The following CDK14 variants were observed in gnomAD, a reference collection of about 807,000 sequenced individuals.
CDK14 encodes cyclin-dependent kinase 14.
CDK14 carries 34 observed loss-of-function variants against 60.7 expected under a neutral mutation model. The observed-to-expected ratio is 0.56, with a 90% CI of 0.43 to 0.75. The LOEUF is 0.75. Among genes scored for constraint, CDK14 ranks in the 30% least tolerant of loss-of-function variants. CDK14 has a pLI of 0.00. For synonymous variants in CDK14, 197 were observed against 203.7 expected, an observed-to-expected ratio of 0.97 and a Z score of 0.28; for missense variants, 482 against 564.1, an observed-to-expected ratio of 0.85 and a Z score of 1.47.
intron 2 of CDK14, among the ~76,000 whole-genome samples, chr7:90,630,032 C>CG (rs1292377326): frequency 6.7e-6 from 1 of 149,756 alleles, no homozygotes; most frequent in Non-Finnish European, 1.5e-5. Context: ...GAACGAGACA[C>CG]TGTCTCAAAC....
At chr7:90,680,848 G>T (rs1801300102) in intron 2 of CDK14, among the ~76,000 whole-genome samples, 1 of 152,134 alleles carries the variant, frequency 6.6e-6, no homozygotes, top group Non-Finnish European at 1.5e-5. Context: ...ATTAGAAAAT[G>T]AAAGAACTCA....
intron 14 of CDK14, among the ~76,000 whole-genome samples, chr7:91,170,774 T>C (rs919448763): frequency 4.0e-5 from 6 of 149,216 alleles, no homozygotes; most frequent in Non-Finnish European, 8.9e-5. Flanking sequence ...TTTTTCTTTT[T>C]TTTTTTTTTT....
At chr7:90,853,999 T>C (rs909110598) in intron 5 of CDK14, among the ~76,000 whole-genome samples, 9 of 152,304 alleles carry the variant, frequency 5.9e-5, no homozygotes, top group African/African-American at 2.2e-4. Context: ...CTACCTTGTT[T>C]TGTGGAGGAG....
intron 5 of CDK14, among the ~76,000 whole-genome samples, chr7:90,814,370 C>A (rs1789261988): frequency 6.6e-6 from 1 of 152,120 alleles, no homozygotes; most frequent in Non-Finnish European, 1.5e-5. Context: ...CCACATTTTA[C>A]ATCAGAGCTT....
intron 14 of CDK14, among the ~76,000 whole-genome samples, chr7:91,203,143 T>G (rs2116008007): frequency 6.6e-6 from 1 of 152,260 alleles, no homozygotes; most frequent in South Asian, 2.1e-4. Context: ...AAATGTAAGT[T>G]TTGCCTACAG....
intron 10 of CDK14, among the ~76,000 whole-genome samples, chr7:91,002,448 G>C (rs1222629741): frequency 6.6e-6 from 1 of 152,074 alleles, no homozygotes; most frequent in African/African-American, 2.4e-5. Flanking sequence ...TTTCTTAGCT[G>C]TTTAATTATT....
chr7:90,814,699 C>T (rs1444237496), intron 5 of CDK14, among the ~76,000 whole-genome samples: 2 of 152,156 alleles, frequency 1.3e-5, no homozygotes, highest in Admixed American at 6.5e-5. Flanking sequence ...TTGCTTGAAC[C>T]GAGGAGGTGG....
chr7:90,842,906 G>A (rs1790344382), intron 5 of CDK14, among the ~76,000 whole-genome samples: 1 of 152,126 alleles, frequency 6.6e-6, no homozygotes, highest in African/African-American at 2.4e-5. Flanking sequence ...AAGTTGTTGT[G>A]TGGATCTTTC....
rs890242622 is a variant in CDK14, at chr7:91,208,626, G to A, written c.*1490G>A. The stretch of plus-strand genomic sequence containing the variant: ...CTTGAAATGTGTCATACTGTTTTAG[G>A]ATCAAGACTAGGAATTAGGAGCCAG... On this transcript the variant is annotated 3_prime_UTR_variant, in exon 15 of 15. Coordinates refer to ENST00000380050, the MANE Select transcript of CDK14 (RefSeq NM_001287135.2). 1 of 152,218 alleles carries A rather than the reference G, an allele frequency of 6.6e-6. No homozygotes were observed. The highest frequency in any genetic ancestry group is 1.5e-5 in the Non-Finnish European group (1 of 68,054). The allele number at this position is 152,218 out of a possible 1,614,324, so 9.4% of individuals were successfully genotyped here.
chr7:91,014,256 T>C (rs1011933267), intron 10 of CDK14, among the ~76,000 whole-genome samples: 4 of 152,116 alleles, frequency 2.6e-5, no homozygotes, highest in Admixed American at 1.3e-4. Context: ...CACTTTTTTG[T>C]TTATATTAAG....
At chr7:90,961,908 CAT>C (rs1794614920) in intron 9 of CDK14, among the ~76,000 whole-genome samples, 1 of 152,226 alleles carries the variant, frequency 6.6e-6, no homozygotes, top group African/African-American at 2.4e-5. Flanking sequence ...ATAATTGTGA[CAT>C]GTGGTCACCT....
intron 8 of CDK14, among the ~76,000 whole-genome samples, chr7:90,930,974 TGA>T (rs1427678237): frequency 6.6e-6 from 1 of 152,234 alleles, no homozygotes; most frequent in Non-Finnish European, 1.5e-5. Context: ...TCATATCATA[TGA>T]CTTCTTGTAC....
intron 8 of CDK14, 86 bp downstream of exon 8, chr7:90,917,810 T>C: frequency 1.5e-6 from 2 of 1,328,032 alleles, no homozygotes; most frequent in Non-Finnish European, 1.0e-6. Flanking sequence ...TTAGGTGCAC[T>C]TCTTCTATCA....
chr7:91,148,404 T>A (rs1800722526), intron 14 of CDK14, among the ~76,000 whole-genome samples: 1 of 152,170 alleles, frequency 6.6e-6, no homozygotes, highest in Admixed American at 6.5e-5. Context: ...TAGATAATGA[T>A]GTGCATATAA....
intron 2 of CDK14, among the ~76,000 whole-genome samples, chr7:90,649,715 GT>G (rs1244499364): frequency 3.3e-5 from 5 of 151,804 alleles, no homozygotes; most frequent in Non-Finnish European, 7.4e-5. Context: ...GCAGTGTTTG[GT>G]TTTCTGTCCT....
intron 2 of CDK14, among the ~76,000 whole-genome samples, chr7:90,646,169 AG>A (rs1800463272): frequency 6.6e-6 from 1 of 152,184 alleles, no homozygotes; most frequent in South Asian, 2.1e-4. Context: ...TGATTCACAA[AG>A]CTTAAGGGCA....
chr7:90,631,055 G>A (rs1357244733), intron 2 of CDK14, among the ~76,000 whole-genome samples: 1 of 152,018 alleles, frequency 6.6e-6, no homozygotes, highest in Non-Finnish European at 1.5e-5. Context: ...ACTATCAAAA[G>A]GTGGTGGTAC....
At position 90,655,351 on chromosome 7, in the gene CDK14, G is replaced by T. The variant is rs146207858; in HGVS notation, c.123+51102G>T. Reference sequence around the variant, plus strand: ...AGGATTGTGTTTGGATGTAAATTTTGTACTGGTGTCCCAGGATTTAAGATG... The same window carrying T: ...AGGATTGTGTTTGGATGTAAATTTTTTACTGGTGTCCCAGGATTTAAGATG... On this transcript the variant is annotated intron_variant, in intron 2 of 14. Coordinates refer to ENST00000380050, the MANE Select transcript of CDK14 (RefSeq NM_001287135.2). 1.4e-3 allele frequency among the ~76,000 whole-genome samples: 216 copies of T among 152,026 alleles called. 1 individual carries two copies. Among genetic ancestry groups the T allele is most frequent in the African/African-American group, 4.8e-3 (198 of 41,434 alleles).
At chr7:91,042,272 C>G (rs989621557) in intron 10 of CDK14, among the ~76,000 whole-genome samples, 1 of 152,048 alleles carries the variant, frequency 6.6e-6, no homozygotes, top group Non-Finnish European at 1.5e-5. Flanking sequence ...ACTCTACTGT[C>G]ACTCCCACCC....
Sources: gnomAD v4.1 joint callset for allele counts (sites outside exome capture counted in the v4.1 genomes callset) on GRCh38, gnomAD v4.1.1 for gene constraint, MANE v1.5 for transcripts, NCBI Gene and HGNC (gene_info 2026-07-23, HGNC 2026-07-21) for gene names.